Variants in KLF12 observed in about 807,000 individuals in gnomAD.
KLF12 encodes the protein Krueppel-like factor 12.
KLF12 carries 9 observed loss-of-function variants against 37.8 expected under a neutral mutation model. That is an observed-to-expected ratio of 0.24 (90% confidence interval 0.14 to 0.42). KLF12 has a LOEUF of 0.42. KLF12 is among the 10% of genes least tolerant of loss of function. The pLI is 1.00. For synonymous variants in KLF12, 208 were observed against 202.1 expected, an observed-to-expected ratio of 1.03 and a Z score of -0.25; for missense variants, 411 against 516.0, an observed-to-expected ratio of 0.80 and a Z score of 1.97.
At chr13:74,078,454 G>C (rs771871152) in intron 1 of KLF12, among the ~76,000 whole-genome samples, 2 of 152,114 alleles carry the variant, frequency 1.3e-5, no homozygotes, top group African/African-American at 4.8e-5. Context: ...TCAAGCATTA[G>C]TTAAAACTGT....
rs1357443451 is a variant in KLF12 at position 74,067,785 on chromosome 13, A to C, written c.-32+65954T>G. 6.6e-5 allele frequency among the ~76,000 whole-genome samples: 10 copies of C among 152,342 alleles called. No homozygotes were observed. In the South Asian group the frequency reaches 2.1e-3, roughly 32 times the overall value. On this transcript the variant is annotated intron_variant, in intron 1 of 7. Coordinates refer to ENST00000377669, the MANE Select transcript of KLF12 (RefSeq NM_007249.5). ...ATATAAGCATGCACACTTCCAGGAG[A>C]CAGGTGCTCAAAATGGTCTTATTTA...
At chr13:73,837,750 C>T (rs976329041) in intron 4 of KLF12, among the ~76,000 whole-genome samples, 3 of 152,166 alleles carry the variant, frequency 2.0e-5, no homozygotes, top group African/African-American at 7.2e-5. Context: ...AAGTAACTTG[C>T]TAGTTTGTCG....
At chr13:74,221,422 CTCT>C in the KLF12 span, among the ~76,000 whole-genome samples, 3 of 151,862 alleles carry the variant, frequency 2.0e-5, no homozygotes, top group South Asian at 2.1e-4. Context: ...CCTTTCTCAC[CTCT>C]TTTTGGGTCA....
At chr13:73,963,952 C>G (rs1258276547) in intron 2 of KLF12, among the ~76,000 whole-genome samples, 1 of 152,114 alleles carries the variant, frequency 6.6e-6, no homozygotes, top group East Asian at 1.9e-4. Context: ...GAGAAGAAAA[C>G]CTAGCACTAT....
intron 1 of KLF12, among the ~76,000 whole-genome samples, chr13:74,008,893 C>A (rs138274000): frequency 6.6e-6 from 1 of 152,296 alleles, no homozygotes; most frequent in African/African-American, 2.4e-5. Context: ...GGAATAAAAT[C>A]GATAACTTAT....
the KLF12 span, among the ~76,000 whole-genome samples, chr13:74,292,800 T>A: frequency 1.3e-5 from 2 of 152,212 alleles, no homozygotes; most frequent in African/African-American, 4.8e-5. Context: ...GTTATGCTTT[T>A]CCATTGCCAC....
chr13:73,791,404 T>A (rs905011949), intron 5 of KLF12, among the ~76,000 whole-genome samples: 1 of 152,228 alleles, frequency 6.6e-6, no homozygotes, highest in African/African-American at 2.4e-5. Flanking sequence ...TCTTTTTTTT[T>A]CCTGCCACAT....
At chr13:73,837,269 TACAG>T (rs1405376647) in intron 4 of KLF12, among the ~76,000 whole-genome samples, 3 of 152,170 alleles carry the variant, frequency 2.0e-5, no homozygotes, top group African/African-American at 7.2e-5. Flanking sequence ...CTTAGAACAA[TACAG>T]ACAGCTTCTG....
the KLF12 span, among the ~76,000 whole-genome samples, chr13:74,223,284 T>G: frequency 6.6e-6 from 1 of 152,250 alleles, no homozygotes; most frequent in Non-Finnish European, 1.5e-5. Flanking sequence ...CGTGACTTTG[T>G]ATGTAGATGG....
intron 3 of KLF12, among the ~76,000 whole-genome samples, chr13:73,883,902 T>G (rs983166831): frequency 6.6e-6 from 1 of 152,228 alleles, no homozygotes; most frequent in Non-Finnish European, 1.5e-5. Flanking sequence ...TATTCTGCCA[T>G]GAACTCTGAT....
At chr13:73,829,347 C>G (rs1368682831) in intron 4 of KLF12, among the ~76,000 whole-genome samples, 1 of 151,998 alleles carries the variant, frequency 6.6e-6, no homozygotes, top group Non-Finnish European at 1.5e-5. Context: ...CAGAGAGCAA[C>G]AAACAAAATA....
At chr13:74,217,307 A>G in the KLF12 span, among the ~76,000 whole-genome samples, 2 of 142,484 alleles carry the variant, frequency 1.4e-5, no homozygotes, top group Non-Finnish European at 3.0e-5. Context: ...GGCATAATAG[A>G]TGACTTTTTT....
chr13:74,221,442 A>C, the KLF12 span, among the ~76,000 whole-genome samples: 2 of 151,522 alleles, frequency 1.3e-5, no homozygotes, highest in Non-Finnish European at 2.9e-5. Flanking sequence ...GTCACTTGGA[A>C]TTTCTGTAGC....
At chr13:74,275,839 T>C in the KLF12 span, among the ~76,000 whole-genome samples, 1 of 122,206 alleles carries the variant, frequency 8.2e-6, no homozygotes, top group African/African-American at 3.4e-5. Flanking sequence ...TCTTTCTTTC[T>C]TTCTTTCTTT....
At chr13:73,937,390 G>A (rs539418079) in intron 3 of KLF12, among the ~76,000 whole-genome samples, 35 of 152,166 alleles carry the variant, frequency 2.3e-4, no homozygotes, top group African/African-American at 7.9e-4. Context: ...ATTCTGGAAA[G>A]GTTAATTTGC....
chr13:74,056,073 G>C (rs1001413715), intron 1 of KLF12, among the ~76,000 whole-genome samples: 3 of 152,160 alleles, frequency 2.0e-5, no homozygotes, highest in Admixed American at 2.0e-4. Context: ...GCCAGAAGAG[G>C]AAAGCAGAAG....
chr13:73,893,251 T>C (rs1449166951), intron 3 of KLF12, among the ~76,000 whole-genome samples: 2 of 152,094 alleles, frequency 1.3e-5, no homozygotes, highest in Non-Finnish European at 2.9e-5. Flanking sequence ...AATTTAATTA[T>C]GTGTATGGTG....
intron 2 of KLF12, among the ~76,000 whole-genome samples, chr13:73,975,022 G>A (rs2138135713): frequency 6.6e-6 from 1 of 152,234 alleles, no homozygotes; most frequent in South Asian, 2.1e-4. Context: ...TAAAACTCAA[G>A]AGCAACTTTT....
the KLF12 span, among the ~76,000 whole-genome samples, chr13:74,201,551 T>C: frequency 6.6e-6 from 1 of 152,174 alleles, no homozygotes; most frequent in Non-Finnish European, 1.5e-5. Context: ...ATAAGTTCTT[T>C]TTGATATAAT....
Sources: gnomAD v4.1 joint callset for allele counts (sites outside exome capture counted in the v4.1 genomes callset) on GRCh38, gnomAD v4.1.1 for gene constraint, MANE v1.5 for transcripts, NCBI Gene and HGNC (gene_info 2026-07-23, HGNC 2026-07-21) for gene names.